CCDC33: variants seen among roughly 807,000 people sequenced by gnomAD.
CCDC33 encodes coiled-coil domain containing 33, also known as coiled-coil domain-containing protein 33.
In CCDC33, 94 loss-of-function variants were observed where a neutral mutation model predicts 91.9. That is an observed-to-expected ratio of 1.02 (90% CI 0.87 to 1.21). The LOEUF (loss-of-function observed/expected upper bound fraction) is 1.21. Among genes scored for constraint, CCDC33 ranks in the 50% most tolerant of loss-of-function variants. The pLI, the probability that CCDC33 is intolerant of heterozygous loss-of-function variation, is 0.00. For missense variants in CCDC33, 940 were observed against 935.5 expected (o/e 1.00, Z -0.06); for synonymous variants, 396 against 374.5 (o/e 1.06, Z -0.66).
chr15:74,205,356 G>T (rs1454030638), intron 1 of CCDC33, among the ~76,000 whole-genome samples: 1 of 152,196 alleles, frequency 6.6e-6, no homozygotes, highest in African/African-American at 2.4e-5. Context: ...TCAGCTTCTG[G>T]GGAGGGCCTC....
intron 2 of CCDC33, among the ~76,000 whole-genome samples, chr15:74,226,491 C>A (rs552557652): frequency 8.5e-5 from 13 of 152,208 alleles, no homozygotes; most frequent in African/African-American, 3.1e-4. Flanking sequence ...TTGCACCCTG[C>A]CTCTATGGTG....
chr15:74,233,975 A>G (rs2075064089), upstream of CCDC33, among the ~76,000 whole-genome samples: 1 of 152,090 alleles, frequency 6.6e-6, no homozygotes, highest in Non-Finnish European at 1.5e-5. Context: ...TGGAAGACAG[A>G]CACACTCCCC....
intron 11 of CCDC33, among the ~76,000 whole-genome samples, chr15:74,306,949 T>C (rs145432705): frequency 0.011 from 1,605 of 152,292 alleles, 17 homozygotes; most frequent in Middle Eastern, 0.051. Flanking sequence ...TCTCCCCTCC[T>C]GTGGAGTGAG....
chr15:74,325,342 T>C (rs1386777375), intron 11 of CCDC33, among the ~76,000 whole-genome samples: 1 of 152,060 alleles, frequency 6.6e-6, no homozygotes, highest in Non-Finnish European at 1.5e-5. Flanking sequence ...CTCTCCTCCC[T>C]GCCTTTGCCA....
intron 11 of CCDC33, among the ~76,000 whole-genome samples, chr15:74,312,629 T>G (rs2060013934): frequency 1.3e-5 from 2 of 152,216 alleles, no homozygotes; most frequent in African/African-American, 2.4e-5. Flanking sequence ...GCGCCATCTG[T>G]TCTTTTCATG....
At chr15:74,313,064 C>T (rs369014075) in intron 11 of CCDC33, among the ~76,000 whole-genome samples, 9 of 152,204 alleles carry the variant, frequency 5.9e-5, no homozygotes, top group South Asian at 4.1e-4. Flanking sequence ...GTTCTTGTTA[C>T]GAGAACAGTG....
At chr15:74,229,386 G>C (rs1416005920) in intron 2 of CCDC33, among the ~76,000 whole-genome samples, 1 of 152,168 alleles carries the variant, frequency 6.6e-6, no homozygotes, top group African/African-American at 2.4e-5. Context: ...CCAGCTACTT[G>C]GGAGGCCAAG....
rs189876262 is a variant in CCDC33, at chr15:74,207,751, C to T, written n.90-1637C>T. On this transcript the variant is annotated intron_variant and non_coding_transcript_variant, in intron 1 of 3. Coordinates refer to the CCDC33 transcript ENST00000558645. ...TGAATAAGCAGCCGAGAGAGTCAAC[C>T]TCATGCGGGCCCGTGAGCTTGGGGT... is the stretch of plus-strand genomic sequence containing the variant. 1.4e-5 allele frequency: 21 copies of T among 1,535,724 alleles called. 1 individual carries two copies. The highest frequency in any genetic ancestry group is 3.3e-4 in the Middle Eastern group (2 of 5,990).
At chr15:74,295,405 G>A (rs370023177) in intron 10 of CCDC33, among the ~76,000 whole-genome samples, 9 of 152,174 alleles carry the variant, frequency 5.9e-5, no homozygotes, top group African/African-American at 2.2e-4. Context: ...GATAGAGTGG[G>A]CCTCTATCTC....
chr15:74,237,123 C>T (rs368411120), intron 1 of CCDC33, among the ~76,000 whole-genome samples: 10 of 151,324 alleles, frequency 6.6e-5, no homozygotes, highest in African/African-American at 2.2e-4. Context: ...CCCCCATTGC[C>T]CCCATGCTCT....
chr15:74,221,216 G>GT (rs56039521), intron 2 of CCDC33: 72,663 of 673,146 alleles, frequency 0.11, 5,797 homozygotes, highest in Admixed American at 0.38. Flanking sequence ...TGTGGCACTG[G>GT]TTTTTTTTTT....
intron 11 of CCDC33, among the ~76,000 whole-genome samples, chr15:74,321,842 A>G (rs1054711696): frequency 2.0e-5 from 3 of 152,206 alleles, no homozygotes; most frequent in African/African-American, 7.2e-5. Context: ...GATTTGCCTG[A>G]GTAAGTCAGG....
chr15:74,333,630 A>G (rs2060489932), intron 16 of CCDC33, among the ~76,000 whole-genome samples: 1 of 152,210 alleles, frequency 6.6e-6, no homozygotes, highest in South Asian at 2.1e-4. Context: ...TGCATTTTAC[A>G]TTAAAAAAAA....
At chr15:74,209,028 T>A (rs1053555721) in intron 1 of CCDC33, 55 of 1,124,446 alleles carry the variant, frequency 4.9e-5, no homozygotes, top group Non-Finnish European at 5.7e-5. Flanking sequence ...AGGTGTTTGA[T>A]CTGCTCCTCC....
chr15:74,272,739 A>G (rs1160349483), intron 6 of CCDC33, 32 bp from the exon 7 acceptor site: 1 of 1,611,576 alleles, frequency 6.2e-7, no homozygotes, highest in East Asian at 2.2e-5. Context: ...TGCAGAGCCC[A>G]GAGCACTGAC....
intron 1 of CCDC33, among the ~76,000 whole-genome samples, chr15:74,203,450 C>T (rs982006090): frequency 6.6e-6 from 1 of 152,164 alleles, no homozygotes; most frequent in African/African-American, 2.4e-5. Context: ...GGGCGAGAGG[C>T]AGAAGAAGGT....
At chr15:74,317,887 G>GTTTTTT (rs71137385) in intron 11 of CCDC33, among the ~76,000 whole-genome samples, 36 of 110,454 alleles carry the variant, frequency 3.3e-4, no homozygotes, top group South Asian at 7.0e-4. Flanking sequence ...GTTTGGGTTT[G>GTTTTTT]TTTTTTTTTT....
chr15:74,243,806 G>T, intron 1 of CCDC33, 179 bp from the exon 2 acceptor site: 1 of 696,154 alleles, frequency 1.4e-6, no homozygotes, highest in Non-Finnish European at 2.5e-6. Flanking sequence ...TTAGTTGGAT[G>T]TGGTGGCACA....
rs146921233 is a variant in CCDC33, at chr15:74,244,025, G to T, written c.62G>T (p.Ser21Ile). The T allele has an allele frequency of 4.4e-4, 708 of 1,612,750 alleles. 4 individuals carry two copies. The African/African-American group carries it at 8.6e-3, about 19-fold the overall frequency. Residue 21 changes from serine to isoleucine, a missense_variant, in exon 2 of 19, where the codon AGC becomes ATC. Coordinates refer to ENST00000398814, the MANE Select transcript of CCDC33 (RefSeq NM_025055.5). This position sits in a 1 kb window ranked among gnomAD's most constrained non-coding sequence, Gnocchi z 4.2. ...GAGGAGCCCCTGATCGCCTCCCAGA[G>T]CACGGAACCTGAGATCGGTCACCTG... Reference protein sequence around the residue: ...DPEEPLIASQSTEPEIGHLSP... With the variant: ...DPEEPLIASQITEPEIGHLSP...
Sources: gnomAD v4.1 joint callset for allele counts (sites outside exome capture counted in the v4.1 genomes callset) on GRCh38, gnomAD v4.1.1 for gene constraint, Gnocchi (gnomAD v3.1) non-coding constraint, MANE v1.5 for transcripts, NCBI Gene and HGNC (gene_info 2026-07-23, HGNC 2026-07-21) for gene names.